Variants in ZNF536 observed in about 807,000 individuals in gnomAD.
The protein encoded by ZNF536 is zinc finger protein 536.
ZNF536 carries 13 observed loss-of-function variants against 84.5 expected under a neutral mutation model. The ratio of observed to expected loss-of-function variants is 0.15; its 90% CI spans 0.10 to 0.24. ZNF536 has a LOEUF of 0.24. Among genes scored for constraint, ZNF536 ranks in the 10% least tolerant of loss-of-function variants. ZNF536 has a pLI of 1.00. For missense variants in ZNF536, 1,536 were observed against 1,747.5 expected, an observed-to-expected ratio of 0.88 and a Z score of 2.16; for synonymous variants, 811 against 742.5, an observed-to-expected ratio of 1.09 and a Z score of -1.50.
At chr19:30,437,802 G>T (rs924060932) in intron 1 of ZNF536, among the ~76,000 whole-genome samples, 2 of 152,224 alleles carry the variant, frequency 1.3e-5, no homozygotes, top group Non-Finnish European at 2.9e-5. Flanking sequence ...AGGACATCTG[G>T]CTGCCTTTGC....
chr19:30,698,794 C>T (rs1277798016), intron 1 of ZNF536, among the ~76,000 whole-genome samples: 1 of 152,220 alleles, frequency 6.6e-6, no homozygotes, highest in Non-Finnish European at 1.5e-5. Context: ...CCTTTCCATA[C>T]TGTACTCTTT....
chr19:30,535,712 C>T (rs558165789), intron 3 of ZNF536, among the ~76,000 whole-genome samples: 7 of 151,110 alleles, frequency 4.6e-5, no homozygotes, highest in Non-Finnish European at 8.8e-5. Flanking sequence ...GTTGCTTGCA[C>T]ATTGCCAATA....
intron 1 of ZNF536, among the ~76,000 whole-genome samples, chr19:30,271,552 C>T (rs990069215): frequency 9.9e-5 from 15 of 152,060 alleles, no homozygotes; most frequent in African/African-American, 3.6e-4. Context: ...ACCCTCTGCC[C>T]AGATAGCGAA....
chr19:30,711,251 G>T (rs2052446076), exon 2 of ZNF536: 1 of 152,098 alleles, frequency 6.6e-6, no homozygotes, highest in Non-Finnish European at 1.5e-5. Context: ...TGGGAGAAAA[G>T]TGATTTCAAA....
At chr19:30,643,153 G>A (rs4804938) in intron 1 of ZNF536, among the ~76,000 whole-genome samples, 67,088 of 151,994 alleles carry the variant, frequency 0.44, 15,634 homozygotes, top group Admixed American at 0.55. Flanking sequence ...GTGGGGGAAC[G>A]GGTGCTTCTT....
intron 1 of ZNF536, among the ~76,000 whole-genome samples, chr19:30,262,296 G>A (rs752889611): frequency 8.5e-5 from 13 of 152,236 alleles, no homozygotes; most frequent in South Asian, 2.1e-4. Context: ...TCCTCCAGGT[G>A]CAGGTGGGAA....
chr19:30,238,996 A>G (rs780603259), intron 1 of ZNF536, among the ~76,000 whole-genome samples: 4 of 152,218 alleles, frequency 2.6e-5, no homozygotes, highest in Non-Finnish European at 4.4e-5. Flanking sequence ...GAGTCACCCA[A>G]GAGAGAGGTG....
intron 2 of ZNF536, among the ~76,000 whole-genome samples, chr19:30,327,084 C>T (rs554510036): frequency 6.6e-6 from 1 of 152,108 alleles, no homozygotes; most frequent in South Asian, 2.1e-4. Flanking sequence ...CACCACTGCA[C>T]TCCAGTCTGG....
intron 1 of ZNF536, among the ~76,000 whole-genome samples, chr19:30,662,613 T>C (rs1468803861): frequency 1.3e-5 from 2 of 152,148 alleles, no homozygotes; most frequent in Non-Finnish European, 2.9e-5. Flanking sequence ...ACTACGATAA[T>C]ACCTGGTGGT....
chr19:30,324,947 T>C (rs1447965368), intron 2 of ZNF536, among the ~76,000 whole-genome samples: 1 of 152,184 alleles, frequency 6.6e-6, no homozygotes, highest in Non-Finnish European at 1.5e-5. Context: ...AAACCGTTTG[T>C]TGTACCTAGG....
At chr19:30,490,621 C>T (rs930014627) in intron 2 of ZNF536, among the ~76,000 whole-genome samples, 13 of 152,074 alleles carry the variant, frequency 8.5e-5, no homozygotes, top group African/African-American at 3.1e-4. Context: ...TTCCTTCTCC[C>T]ACTCACTCTT....
chr19:30,354,288 G>A (rs1175823319), intron 3 of ZNF536, among the ~76,000 whole-genome samples: 2 of 152,196 alleles, frequency 1.3e-5, no homozygotes, highest in African/African-American at 4.8e-5. Context: ...CTTTGGATGG[G>A]CTTCTTGGAC....
intron 1 of ZNF536, among the ~76,000 whole-genome samples, chr19:30,393,173 G>C (rs1158546791): frequency 1.5e-4 from 23 of 152,082 alleles, no homozygotes; most frequent in Admixed American, 1.5e-3. Context: ...CAACCACTTA[G>C]GCAACTTCAT....
At chr19:30,516,849 G>A (rs2044099382) in intron 2 of ZNF536, among the ~76,000 whole-genome samples, 1 of 152,198 alleles carries the variant, frequency 6.6e-6, no homozygotes, top group Admixed American at 6.5e-5. Flanking sequence ...TTCGTGAAGT[G>A]GTGATGAGAA....
At chr19:30,346,001 C>G (rs942706530) in intron 2 of ZNF536, among the ~76,000 whole-genome samples, 1 of 152,236 alleles carries the variant, frequency 6.6e-6, no homozygotes, top group Non-Finnish European at 1.5e-5. Flanking sequence ...ATGACTGTAG[C>G]TGGCATGCAC....
chr19:30,269,009 G>A lies in ZNF536; in HGVS notation c.-189-15063G>A, dbSNP rs1194135126. Among the ~76,000 whole-genome samples, 5 of 152,230 alleles carry A rather than the reference G, an allele frequency of 3.3e-5. No individual in the cohort carries two copies. The East Asian group carries it at 9.6e-4, about 29-fold the overall frequency. ...GGAAAACACTTTGGAAAAACAACTA[G>A]TGATACAATGCAAGTCCCGCTCAGG... On this transcript the variant is annotated intron_variant, in intron 1 of 5. Coordinates refer to the ZNF536 transcript ENST00000585628.
At chr19:30,376,647 G>A (rs1267386506) in intron 1 of ZNF536, among the ~76,000 whole-genome samples, 1 of 152,120 alleles carries the variant, frequency 6.6e-6, no homozygotes, top group Non-Finnish European at 1.5e-5. Flanking sequence ...GTGAGCTCAG[G>A]GCCTTTGCAT....
chr19:30,665,172 T>G (rs2050271020), intron 1 of ZNF536: 1 of 152,146 alleles, frequency 6.6e-6, no homozygotes, highest in African/African-American at 2.4e-5. Context: ...GGTGAAACCC[T>G]GACTCTACTA....
rs552424624 is a variant in ZNF536 at position 30,673,534 on chromosome 19, C to T, written c.170-37223C>T. On this transcript the variant is annotated intron_variant, in intron 1 of 1. Transcript: ENST00000592773. ...CCACGGGACTGGCACATACATCGCC[C>T]GCACAGCACCATGGCCCTGGCCACC... 1.1e-4 allele frequency among the ~76,000 whole-genome samples: 17 copies of T among 152,246 alleles called. No homozygotes were observed. In the East Asian group the frequency reaches 1.7e-3, roughly 16 times the overall value.
Sources: allele counts gnomAD v4.1 joint callset (sites outside exome capture counted in the v4.1 genomes callset), GRCh38; gene constraint gnomAD v4.1.1; transcripts MANE v1.5; gene names NCBI Gene and HGNC (gene_info 2026-07-23, HGNC 2026-07-21).